The following MMP28 variants were observed in gnomAD, a reference collection of about 807,000 sequenced individuals.
The protein encoded by MMP28 is matrix metallopeptidase 28.
Under a neutral mutation model 60.5 loss-of-function variants are expected in MMP28, and 55 were observed. That is an observed-to-expected ratio of 0.91 (90% CI 0.73 to 1.14). The LOEUF (loss-of-function observed/expected upper bound fraction) is 1.14, where lower values mean the gene tolerates loss of function less well. Ranked by LOEUF, MMP28 falls within the 50% of genes most tolerant of loss-of-function variation. The pLI, the probability that MMP28 is intolerant of heterozygous loss-of-function variation, is 0.00. For missense variants in MMP28, 686 were observed against 738.3 expected (o/e 0.93, Z 0.82); for synonymous variants, 318 against 312.5 (o/e 1.02, Z -0.18).
chr17:35,787,899 CTTTTTTTT>C (rs532350874), intron 1 of MMP28, among the ~76,000 whole-genome samples: 17 of 104,412 alleles, frequency 1.6e-4, no homozygotes, highest in African/African-American at 5.3e-4. Context: ...TTTTCTTTCC[CTTTTTTTT>C]TTTTTTTTTT....
chr17:35,771,756 A>ATATAT (rs1568151512), intron 4 of MMP28, among the ~76,000 whole-genome samples: 3 of 80,884 alleles, frequency 3.7e-5, no homozygotes, highest in Admixed American at 1.6e-4. Flanking sequence ...TATATATATA[A>ATATAT]AATTGTGTTC....
chr17:35,794,949 C>T (rs2086924412), intron 1 of MMP28, among the ~76,000 whole-genome samples: 1 of 152,190 alleles, frequency 6.6e-6, no homozygotes, highest in Non-Finnish European at 1.5e-5. Context: ...ACCTCATTCT[C>T]CCCAGCCTAG....
chr17:35,759,920 C>T (rs371845593), intron 2 of MMP28, among the ~76,000 whole-genome samples: 45 of 152,294 alleles, frequency 3.0e-4, no homozygotes, highest in African/African-American at 1.1e-3. Flanking sequence ...TGGCAGCACC[C>T]ATGAAACTAC....
downstream of MMP28, among the ~76,000 whole-genome samples, chr17:35,762,942 G>A (rs2085850904): frequency 6.6e-6 from 1 of 152,114 alleles, no homozygotes; most frequent in Non-Finnish European, 1.5e-5. Flanking sequence ...CAAACATGGT[G>A]AAACCTGGTC....
chr17:35,768,046 C>T, intron 6 of MMP28, 127 bp from the exon 7 acceptor site: 1 of 1,316,948 alleles, frequency 7.6e-7, no homozygotes, highest in Non-Finnish European at 1.0e-6. Flanking sequence ...ACAGTTGGCG[C>T]AGAGGGGAAA....
At chr17:35,773,051 G>C in intron 4 of MMP28, 129 bp downstream of exon 4, 1 of 745,770 alleles carries the variant, frequency 1.3e-6, no homozygotes, top group South Asian at 1.9e-5. Flanking sequence ...GGAGACTGAG[G>C]GTTCTCTGCA....
intron 5 of MMP28, 56 bp downstream of exon 5, chr17:35,770,011 A>C: frequency 1.3e-6 from 2 of 1,489,662 alleles, no homozygotes; most frequent in Non-Finnish European, 1.8e-6. Context: ...GTTCAAGGAC[A>C]GGAGGCCTTG....
At chr17:35,762,289 C>T (rs2085836391), downstream of MMP28, among the ~76,000 whole-genome samples, 1 of 152,224 alleles carries the variant, frequency 6.6e-6, no homozygotes, top group Non-Finnish European at 1.5e-5. Flanking sequence ...CGTGCCCCGC[C>T]TAGAAATGTT....
intron 1 of MMP28, among the ~76,000 whole-genome samples, chr17:35,782,125 C>A (rs2086524231): frequency 6.7e-6 from 1 of 149,904 alleles, no homozygotes; most frequent in Non-Finnish European, 1.5e-5. Flanking sequence ...GATCTTGGCT[C>A]ACTGCAAGCT....
At chr17:35,792,338 A>G (rs1306319303) in intron 1 of MMP28, among the ~76,000 whole-genome samples, 1 of 152,118 alleles carries the variant, frequency 6.6e-6, no homozygotes, top group African/African-American at 2.4e-5. Flanking sequence ...GGACCCAGAC[A>G]CCATGTTATA....
chr17:35,777,438 T>C (rs2086366635), intron 3 of MMP28, among the ~76,000 whole-genome samples: 1 of 152,072 alleles, frequency 6.6e-6, no homozygotes, highest in Non-Finnish European at 1.5e-5. Context: ...TGGCTGGGCA[T>C]ATAGGTGAAG....
intron 1 of MMP28, among the ~76,000 whole-genome samples, chr17:35,790,980 C>T (rs2086798342): frequency 6.6e-6 from 1 of 150,884 alleles, no homozygotes; most frequent in Non-Finnish European, 1.5e-5. Context: ...TCCTCCAGCC[C>T]CGGCCTCCCA....
At chr17:35,756,368 G>A (rs370978367) in exon 3 of MMP28, 63 of 966,252 alleles carry the variant, frequency 6.5e-5, no homozygotes, top group African/African-American at 6.0e-4. Flanking sequence ...TCTTTAGGCC[G>A]TTGTTGTTAC....
intron 3 of MMP28, chr17:35,778,615 T>A: frequency 1.5e-6 from 1 of 646,030 alleles, no homozygotes; most frequent in South Asian, 2.4e-5. Context: ...CTGCCCTGCA[T>A]TGAAAATTTA....
chr17:35,790,060 CTTTTTTTTTT>C (rs56405134), intron 1 of MMP28, among the ~76,000 whole-genome samples: 1 of 66,938 alleles, frequency 1.5e-5, no homozygotes, highest in Admixed American at 2.1e-4. Flanking sequence ...CCGCACCTGG[CTTTTTTTTTT>C]TTTTTTTTTT....
At chr17:35,760,834 T>C in intron 2 of MMP28, 2 of 1,371,946 alleles carry the variant, frequency 1.5e-6, no homozygotes, top group Non-Finnish European at 2.1e-6. Context: ...GCCCCACCCC[T>C]TGTGACCTAA....
At position 35,766,987 on chromosome 17, in the gene MMP28, A is replaced by G. The variant is rs1555603739; in HGVS notation, c.1169-93T>C. The stretch of plus-strand genomic sequence containing the variant: ...GTCCCCCATACCTCTGCTCTCCTTT[A>G]AGCTGGAGCCCACGATGGTTGGTAT... On this transcript the variant is annotated intron_variant, in intron 7 of 7. Coordinates refer to ENST00000605424, the MANE Select transcript of MMP28 (RefSeq NM_024302.5). This position sits in a 1 kb window ranked among gnomAD's most constrained non-coding sequence, Gnocchi z 4.3. The G allele has an allele frequency of 8.4e-7, 1 of 1,185,128 alleles. No homozygotes were observed. Among genetic ancestry groups the G allele is most frequent in the African/African-American group, 1.5e-5 (1 of 66,208 alleles). 73.4% of individuals were successfully genotyped at this position (1,185,128 alleles called of 1,614,324 possible). A position where few individuals can be genotyped will look rare whatever the true frequency, so the allele number is the denominator to read the frequency against.
chr17:35,767,846 C>T lies in MMP28; in HGVS notation c.1074G>A (p.Glu358=), dbSNP rs2085993511. Residue 358 remains glutamate, a synonymous_variant, in exon 7 of 8, where the codon GAG becomes GAA. Transcript: ENST00000605424. ...CCCATCTTTCCTGCAGTGGACGGGG[C>T]TCTGAGACGTTGCCATCAGCTGCCA... is the stretch of plus-strand genomic sequence containing the variant. ...WEVAADGNVS[E]PRPLQERWVG... is the part of the protein sequence containing the mutation. 1 of 1,611,142 alleles carries T rather than the reference C, an allele frequency of 6.2e-7. No individual in the cohort carries two copies. Among genetic ancestry groups the T allele is most frequent in the East Asian group, 2.2e-5 (1 of 44,858 alleles).
chr17:35,786,722 T>C (rs1341564886), intron 1 of MMP28, among the ~76,000 whole-genome samples: 1 of 115,212 alleles, frequency 8.7e-6, no homozygotes, highest in East Asian at 2.5e-4. Flanking sequence ...AAAAGATGAA[T>C]GATAGCTGGT....
Sources: gnomAD v4.1 joint callset for allele counts (sites outside exome capture counted in the v4.1 genomes callset) on GRCh38, gnomAD v4.1.1 for gene constraint, Gnocchi (gnomAD v3.1) non-coding constraint, MANE v1.5 for transcripts, NCBI Gene and HGNC (gene_info 2026-07-23, HGNC 2026-07-21) for gene names.